HIPK2: variants seen among roughly 807,000 people sequenced by gnomAD.
HIPK2 encodes the protein homeodomain interacting protein kinase 2.
HIPK2 carries 27 observed loss-of-function variants against 113.7 expected under a neutral mutation model. The observed-to-expected ratio is 0.24, with a 90% CI of 0.17 to 0.33. HIPK2 has a LOEUF of 0.33. Among genes scored for constraint, HIPK2 ranks in the 10% least tolerant of loss-of-function variants. The pLI is 1.00. For synonymous variants in HIPK2, 631 were observed against 642.2 expected, an observed-to-expected ratio of 0.98 and a Z score of 0.26; for missense variants, 1,257 against 1,588.0, an observed-to-expected ratio of 0.79 and a Z score of 3.54.
In HIPK2 at chr7:139,618,661, C is replaced by A. The variant is rs577926980; in HGVS notation, c.1782+1740G>T. ...TATCACCAGCAAGATGGCGGTGGCCCCCCACCCCGCGTCTGGTCAGGGACC... is the reference window on the plus strand; with the variant it reads ...TATCACCAGCAAGATGGCGGTGGCCACCCACCCCGCGTCTGGTCAGGGACC... On this transcript the variant is annotated intron_variant, in intron 7 of 14. Coordinates refer to ENST00000406875, the MANE Select transcript of HIPK2 (RefSeq NM_022740.5). Among the ~76,000 whole-genome samples the A allele has an allele frequency of 1.1e-3, 173 of 152,272 alleles. 1 individual carries two copies. The highest frequency in any genetic ancestry group is 3.7e-3 in the African/African-American group (153 of 41,558).
chr7:139,631,679 T>G lies in HIPK2; in HGVS notation c.1150A>C (p.Met384Leu). Residue 384 changes from methionine to leucine, a missense_variant, in exon 3 of 15, where the codon ATG becomes CTG. Physicochemically the swap from Met to Leu is conservative, Grantham distance 15 (BLOSUM62 2). Around this residue, in one of 5 missense-constraint regions of HIPK2, gnomAD observed 84 missense variants for 182.2 expected, o/e 0.46. Transcript: ENST00000406875. This position sits in a 1 kb window ranked among gnomAD's most constrained non-coding sequence, Gnocchi z 4.9. ...LGLPFCEAID[M>L]WSLGCVIAEL... ...GCAATAACACAGCCCAGGGACCACA[T>G]GTCAATTGCCTCACAAAATGGTAAA... The G allele has an allele frequency of 6.2e-7, 1 of 1,613,954 alleles. No individual in the cohort carries two copies. The highest frequency in any genetic ancestry group is 8.5e-7 in the Non-Finnish European group (1 of 1,179,854).
At chr7:139,647,899 G>C (rs1801300433) in intron 2 of HIPK2, among the ~76,000 whole-genome samples, 1 of 152,258 alleles carries the variant, frequency 6.6e-6, no homozygotes, top group South Asian at 2.1e-4. Context: ...CTGCCTGGCA[G>C]GCCTGTCTCT....
chr7:139,774,798 G>A (rs1585473257), intron 1 of HIPK2, among the ~76,000 whole-genome samples: 3 of 152,232 alleles, frequency 2.0e-5, no homozygotes, highest in East Asian at 3.9e-4. Flanking sequence ...AGTTGATGGA[G>A]GAAATACAAT....
intron 2 of HIPK2, among the ~76,000 whole-genome samples, chr7:139,713,733 C>T (rs759563181): frequency 2.8e-4 from 42 of 152,208 alleles, no homozygotes; most frequent in Non-Finnish European, 5.4e-4. Context: ...AGGCCAAGAA[C>T]TAGAAAGAGC....
chr7:139,756,983 G>A (rs546704503), intron 1 of HIPK2, among the ~76,000 whole-genome samples: 1 of 152,238 alleles, frequency 6.6e-6, no homozygotes, highest in South Asian at 2.1e-4. Flanking sequence ...CATATGAACT[G>A]ATCCATCTCA....
rs1238728102 is a variant in HIPK2 at position 139,573,011 on chromosome 7, G to A, written c.3513C>T (p.Thr1171=). 2.5e-6 allele frequency: 4 copies of A among 1,612,276 alleles called. No homozygotes were observed. The highest frequency in any genetic ancestry group is 3.4e-6 in the Non-Finnish European group (4 of 1,179,310). Residue 1171 remains threonine, a synonymous_variant, in exon 15 of 15, where the codon ACC becomes ACT. Transcript: ENST00000406875. ...TGGAGGCTGGCGAGGCGCTGATGTA[G>A]GTCTGGTGGGCAAATTGGGCTGGAT... ...SQYPAQFAHQ[T]YISASPASTV...
Position 139,583,850 on chromosome 7 carries a change from C to T in HIPK2, c.2932G>A (p.Glu978Lys), listed in dbSNP as rs535648338. ...IVPPLKTQAS[E>K]VLVECDSLVP... is the part of the protein sequence containing the mutation. The stretch of plus-strand genomic sequence containing the variant: ...AGGCTATCACACTCCACCAATACTT[C>T]GCTGGCCTGGGTTTTCAGGGGTGGC... Residue 978 changes from glutamate (E) to lysine (K), a missense_variant, in exon 13 of 15, where the codon GAA becomes AAA. Glu to Lys is a moderately conservative substitution (Grantham distance 56). This residue lies in a region of HIPK2 where 862 missense variants were observed against 1,004.3 expected (regional missense o/e 0.86). Transcript: ENST00000406875. The T allele has an allele frequency of 9.1e-5, 146 of 1,612,440 alleles. No homozygotes were observed. The highest frequency in any genetic ancestry group is 1.1e-4 in the Non-Finnish European group (134 of 1,179,336).
intron 1 of HIPK2, among the ~76,000 whole-genome samples, chr7:139,750,832 TA>T (rs894716498): frequency 1.3e-5 from 2 of 152,158 alleles, no homozygotes; most frequent in African/African-American, 4.8e-5. Flanking sequence ...TGAAAAGAAC[TA>T]AAAAAATCTT....
intron 13 of HIPK2, among the ~76,000 whole-genome samples, chr7:139,582,622 A>G (rs113339891): frequency 6.6e-6 from 1 of 152,252 alleles, no homozygotes; most frequent in African/African-American, 2.4e-5. Context: ...TCAGGGAAAA[A>G]GAGCTTCGCC....
intron 2 of HIPK2, among the ~76,000 whole-genome samples, chr7:139,682,462 T>C (rs1159575161): frequency 6.6e-6 from 1 of 152,172 alleles, no homozygotes; most frequent in Non-Finnish European, 1.5e-5. Flanking sequence ...AGTTCCACCT[T>C]CTTCAGGTGC....
chr7:139,743,481 T>C (rs923629186), intron 1 of HIPK2, among the ~76,000 whole-genome samples: 3 of 152,224 alleles, frequency 2.0e-5, no homozygotes, highest in Admixed American at 2.0e-4. Flanking sequence ...CCAGTGTCCT[T>C]AGACATATCT....
At chr7:139,578,301 C>T (rs991456919) in intron 13 of HIPK2, among the ~76,000 whole-genome samples, 1 of 152,198 alleles carries the variant, frequency 6.6e-6, no homozygotes, top group Non-Finnish European at 1.5e-5. Flanking sequence ...AGCCACCGCG[C>T]CCAGCTGCTA....
At chr7:139,763,306 G>A (rs1796498442) in intron 1 of HIPK2, among the ~76,000 whole-genome samples, 1 of 152,162 alleles carries the variant, frequency 6.6e-6, no homozygotes, top group Non-Finnish European at 1.5e-5. Flanking sequence ...ATCACTATGG[G>A]AAACTGGCTG....
intron 6 of HIPK2, among the ~76,000 whole-genome samples, chr7:139,622,937 A>T (rs1270250160): frequency 6.6e-6 from 1 of 152,182 alleles, no homozygotes; most frequent in Non-Finnish European, 1.5e-5. Context: ...TCTTCCTTAC[A>T]GAACCCAGAG....
intron 2 of HIPK2, among the ~76,000 whole-genome samples, chr7:139,712,821 C>G (rs946731065): frequency 6.6e-6 from 1 of 152,166 alleles, no homozygotes; most frequent in Admixed American, 6.5e-5. Context: ...AGACTGTCCT[C>G]GAAAAATCGG....
chr7:139,623,385 C>T lies in HIPK2; in HGVS notation c.1620-2822G>A, dbSNP rs745475058. ...AATTAGTCGGGTGTGGTGCGTGTGC[C>T]TGCAGTTCCAGCTACTCGGGAGGCT... On this transcript the variant is annotated intron_variant, in intron 6 of 14. Coordinates refer to ENST00000406875, the MANE Select transcript of HIPK2 (RefSeq NM_022740.5). 2.6e-5 allele frequency among the ~76,000 whole-genome samples: 4 copies of T among 152,008 alleles called. No homozygotes were observed. The East Asian group carries it at 7.7e-4, about 29-fold the overall frequency.
At chr7:139,619,901 T>C (rs1800177458) in intron 7 of HIPK2, among the ~76,000 whole-genome samples, 1 of 152,048 alleles carries the variant, frequency 6.6e-6, no homozygotes, top group Non-Finnish European at 1.5e-5. Flanking sequence ...GCTGAGACTA[T>C]AGGCATGCAC....
At chr7:139,591,670 G>A (rs908684083) in intron 12 of HIPK2, among the ~76,000 whole-genome samples, 1 of 152,208 alleles carries the variant, frequency 6.6e-6, no homozygotes, top group Non-Finnish European at 1.5e-5. Flanking sequence ...AAGAGGGTGT[G>A]GCGAAGTCAG....
At chr7:139,587,488 CAAAAAAAAAA>C (rs1213368741) in intron 12 of HIPK2, among the ~76,000 whole-genome samples, 1 of 43,998 alleles carries the variant, frequency 2.3e-5, no homozygotes, top group African/African-American at 7.5e-5. Context: ...GACTGTGTCT[CAAAAAAAAAA>C]AAAAAAAAAA....
Sources: gnomAD v4.1 joint callset for allele counts (sites outside exome capture counted in the v4.1 genomes callset) on GRCh38, gnomAD v4.1.1 for gene constraint, gnomAD v4.1.1 regional missense constraint, Gnocchi (gnomAD v3.1) non-coding constraint, MANE v1.5 for transcripts, NCBI Gene and HGNC (gene_info 2026-07-23, HGNC 2026-07-21) for gene names.